The following MAF variants were observed in gnomAD, a reference collection of about 807,000 sequenced individuals.
MAF encodes the protein transcription factor Maf.
A neutral mutation model predicts 22.0 loss-of-function variants in MAF; 10 were observed. The ratio of observed to expected loss-of-function variants is 0.45; its 90% confidence interval spans 0.28 to 0.77. The LOEUF (loss-of-function observed/expected upper bound fraction) is 0.77, where lower values mean the gene tolerates loss of function less well. Ranked by LOEUF, MAF falls within the 30% of genes least tolerant of loss-of-function variation. The probability of loss-of-function intolerance (pLI) is 0.12; values close to 1 mark genes in which losing one functional copy is unlikely to be tolerated. For synonymous variants in MAF, 337 were observed against 255.8 expected, an observed-to-expected ratio of 1.32 and a Z score of -3.03; for missense variants, 544 against 548.4, an observed-to-expected ratio of 0.99 and a Z score of 0.08.
chr16:79,205,133 C>G, the MAF span: 1 of 152,244 alleles, frequency 6.6e-6, no homozygotes, highest in Non-Finnish European at 1.5e-5. Context: ...GAGCACGTGC[C>G]TGTCATTTAA....
the MAF span, among the ~76,000 whole-genome samples, chr16:79,349,309 C>G: frequency 6.6e-6 from 1 of 152,140 alleles, no homozygotes; most frequent in East Asian, 1.9e-4. Context: ...AGGTTGTCCT[C>G]CTGTGATGAG....
At chr16:79,310,218 G>A in the MAF span, among the ~76,000 whole-genome samples, 3 of 152,132 alleles carry the variant, frequency 2.0e-5, no homozygotes, top group East Asian at 1.9e-4. Context: ...GTGCACGCAC[G>A]GGAGCGCAAA....
At chr16:79,586,595 T>C (rs1485584528) in intron 1 of MAF, among the ~76,000 whole-genome samples, 1 of 152,238 alleles carries the variant, frequency 6.6e-6, no homozygotes, top group Non-Finnish European at 1.5e-5. Context: ...AAGAAAATCT[T>C]TTTGCTTCAC....
At chr16:79,432,348 T>C in the MAF span, among the ~76,000 whole-genome samples, 71,757 of 152,042 alleles carry the variant, frequency 0.47, 18,831 homozygotes, top group Admixed American at 0.57. Flanking sequence ...TATTTCCTTA[T>C]AGCAATGTGA....
At chr16:79,588,704 C>G (rs1259764313) in intron 1 of MAF, among the ~76,000 whole-genome samples, 3 of 152,032 alleles carry the variant, frequency 2.0e-5, no homozygotes, top group African/African-American at 7.3e-5. Context: ...TCAGGTGATC[C>G]GCTCACCTGG....
At chr16:79,328,924 G>C in the MAF span, among the ~76,000 whole-genome samples, 1 of 152,078 alleles carries the variant, frequency 6.6e-6, no homozygotes, top group African/African-American at 2.4e-5. Context: ...GGCATAACTG[G>C]GTGCAGAATC....
chr16:79,510,883 G>A, the MAF span, among the ~76,000 whole-genome samples: 1 of 152,230 alleles, frequency 6.6e-6, no homozygotes, highest in African/African-American at 2.4e-5. Flanking sequence ...GTCTATATGT[G>A]TGGTTGGGAC....
chr16:79,491,616 T>C, the MAF span, among the ~76,000 whole-genome samples: 2 of 152,168 alleles, frequency 1.3e-5, no homozygotes, highest in Non-Finnish European at 2.9e-5. Context: ...TTGCATGCAC[T>C]GCTGCTATGC....
the MAF span, among the ~76,000 whole-genome samples, chr16:79,398,797 T>C: frequency 6.6e-6 from 1 of 152,164 alleles, no homozygotes; most frequent in Non-Finnish European, 1.5e-5. Flanking sequence ...TTTTTGCACT[T>C]CTCCTACTCA....
In MAF at chr16:79,600,104, G is replaced by T. The variant is rs1378843461; in HGVS notation, c.-202C>A. 1 of 520,936 alleles carries T rather than the reference G, an allele frequency of 1.9e-6. No homozygotes were observed. Among genetic ancestry groups the T allele is most frequent in the Non-Finnish European group, 3.1e-6 (1 of 325,856 alleles). 32.3% of individuals were successfully genotyped at this position (520,936 alleles called of 1,614,324 possible). A position where few individuals can be genotyped will look rare whatever the true frequency, so the allele number is the denominator to read the frequency against. Reference sequence around the variant, plus strand: ...CGCCCTGCCCGCGCCCCCCGCGCCCGCCCTCCCTCCCCCCTGCTCACGCCA... The same window carrying T: ...CGCCCTGCCCGCGCCCCCCGCGCCCTCCCTCCCTCCCCCCTGCTCACGCCA... On this transcript the variant is annotated 5_prime_UTR_variant, in exon 1 of 2. Transcript: ENST00000326043.
the MAF span, among the ~76,000 whole-genome samples, chr16:79,411,202 G>A: frequency 0.17 from 25,327 of 152,072 alleles, 2,719 homozygotes; most frequent in African/African-American, 0.3. Flanking sequence ...ACAAGACCTC[G>A]AAACCTTGGT....
the MAF span, among the ~76,000 whole-genome samples, chr16:79,391,329 T>G: frequency 6.6e-6 from 1 of 152,324 alleles, no homozygotes; most frequent in African/African-American, 2.4e-5. Context: ...AATATTTTAT[T>G]ATACTAGATT....
At chr16:79,475,826 T>C in the MAF span, among the ~76,000 whole-genome samples, 2 of 152,166 alleles carry the variant, frequency 1.3e-5, no homozygotes, top group African/African-American at 4.8e-5. Flanking sequence ...TTTGTTACAC[T>C]TGTTGCAGGC....
chr16:79,230,506 T>A, the MAF span, among the ~76,000 whole-genome samples: 4 of 152,158 alleles, frequency 2.6e-5, no homozygotes, highest in African/African-American at 9.6e-5. Context: ...TCGAAGAATG[T>A]TTCCAACCTG....
At chr16:79,569,737 T>C in the MAF span, among the ~76,000 whole-genome samples, 1 of 152,216 alleles carries the variant, frequency 6.6e-6, no homozygotes, top group African/African-American at 2.4e-5. Flanking sequence ...GATTATTTAA[T>C]TGATCTGGGC....
At chr16:79,529,423 T>C in the MAF span, among the ~76,000 whole-genome samples, 1 of 152,038 alleles carries the variant, frequency 6.6e-6, no homozygotes, top group Non-Finnish European at 1.5e-5. Flanking sequence ...ATAGAGAAAG[T>C]TGGGTGAAGC....
the MAF span, among the ~76,000 whole-genome samples, chr16:79,224,518 G>A: frequency 6.6e-6 from 1 of 152,060 alleles, no homozygotes. Context: ...AGGACAATCA[G>A]ACAAGAGAAA....
chr16:79,565,349 ATGAT>A, the MAF span, among the ~76,000 whole-genome samples: 3 of 152,134 alleles, frequency 2.0e-5, no homozygotes, highest in Admixed American at 6.5e-5. Flanking sequence ...TGAAACCTAA[ATGAT>A]TGACTACCTG....
chr16:79,329,309 C>A, the MAF span, among the ~76,000 whole-genome samples: 16 of 152,162 alleles, frequency 1.1e-4, no homozygotes. Flanking sequence ...TAATCCGACT[C>A]TAGACCGACT....
Sources: allele counts gnomAD v4.1 joint callset (sites outside exome capture counted in the v4.1 genomes callset), GRCh38; gene constraint gnomAD v4.1.1; transcripts MANE v1.5; gene names NCBI Gene and HGNC (gene_info 2026-07-23, HGNC 2026-07-21).